RIPOR2: variants seen among roughly 807,000 people sequenced by gnomAD.
RIPOR2 encodes the protein RHO family interacting cell polarization regulator 2.
A neutral mutation model predicts 114.5 loss-of-function variants in RIPOR2; 39 were observed. The observed-to-expected ratio is 0.34, with a 90% CI of 0.26 to 0.44. The LOEUF (loss-of-function observed/expected upper bound fraction) is 0.44. Among genes scored for constraint, RIPOR2 ranks in the 20% least tolerant of loss-of-function variants. RIPOR2 has a pLI of 1.00. For missense variants in RIPOR2, 1,007 were observed against 1,255.1 expected (o/e 0.80, Z 2.99); for synonymous variants, 445 against 484.4 (o/e 0.92, Z 1.07).
At chr6:24,875,539 T>G (rs1019414794) in intron 2 of RIPOR2, among the ~76,000 whole-genome samples, 152 bp downstream of exon 2, 5 of 152,202 alleles carry the variant, frequency 3.3e-5, no homozygotes, top group African/African-American at 4.8e-5. Flanking sequence ...TAGCACTTAA[T>G]TTTTAGTACA....
chr6:24,879,696 A>G (rs1043073827), intron 1 of RIPOR2, among the ~76,000 whole-genome samples: 1 of 152,168 alleles, frequency 6.6e-6, no homozygotes, highest in Non-Finnish European at 1.5e-5. Context: ...CCCAAGTCTG[A>G]TGGAGGGGTG....
At chr6:24,895,833 T>C (rs188389855) in intron 1 of RIPOR2, among the ~76,000 whole-genome samples, 25 of 151,844 alleles carry the variant, frequency 1.6e-4, no homozygotes, top group African/African-American at 6.0e-4. Flanking sequence ...TACTAAAAAA[T>C]ACAAAACATT....
chr6:24,924,664 G>T (rs1054008924), intron 1 of RIPOR2, among the ~76,000 whole-genome samples: 1 of 152,022 alleles, frequency 6.6e-6, no homozygotes, highest in East Asian at 1.9e-4. Context: ...ATAATCATAA[G>T]AAGGGATAAG....
intron 1 of RIPOR2, chr6:24,976,312 A>T: frequency 1.3e-6 from 1 of 760,684 alleles, no homozygotes; most frequent in Non-Finnish European, 2.2e-6. Flanking sequence ...GCAACCACTT[A>T]AATTGTGTTT....
intron 1 of RIPOR2, among the ~76,000 whole-genome samples, chr6:24,899,736 A>G (rs757402687): frequency 2.6e-5 from 4 of 152,198 alleles, no homozygotes; most frequent in Non-Finnish European, 2.9e-5. Flanking sequence ...ACAAAAGAAA[A>G]GGAATGATTC....
intron 6 of RIPOR2, among the ~76,000 whole-genome samples, chr6:24,867,680 G>A (rs1248216617): frequency 6.6e-6 from 1 of 152,100 alleles, no homozygotes; most frequent in Non-Finnish European, 1.5e-5. Context: ...CTTTGTTTTT[G>A]CTTAAATATC....
At chr6:24,884,236 C>T (rs1263833562) in intron 1 of RIPOR2, among the ~76,000 whole-genome samples, 1 of 151,742 alleles carries the variant, frequency 6.6e-6, no homozygotes, top group South Asian at 2.1e-4. Context: ...GTGAAACCCC[C>T]GCCTCTACTA....
At chr6:24,907,871 G>A (rs189121865) in intron 1 of RIPOR2, among the ~76,000 whole-genome samples, 9 of 152,250 alleles carry the variant, frequency 5.9e-5, no homozygotes, top group African/African-American at 2.2e-4. Context: ...TCACATTGCA[G>A]GGTGTTTACA....
chr6:24,927,599 G>A (rs546746532), intron 1 of RIPOR2, among the ~76,000 whole-genome samples: 4 of 145,044 alleles, frequency 2.8e-5, no homozygotes, highest in South Asian at 2.2e-4. Flanking sequence ...CTCTATAATC[G>A]CTACCACCAC....
intron 1 of RIPOR2, among the ~76,000 whole-genome samples, chr6:24,985,204 C>T (rs1774480210): frequency 6.6e-6 from 1 of 152,124 alleles, no homozygotes; most frequent in African/African-American, 2.4e-5. Context: ...CCATTATCAA[C>T]TAGGATAGAA....
chr6:24,924,475 T>C (rs1770720443), intron 1 of RIPOR2, among the ~76,000 whole-genome samples: 1 of 152,270 alleles, frequency 6.6e-6, no homozygotes, highest in African/African-American at 2.4e-5. Context: ...GATTTACTGT[T>C]GGGCTGAGAG....
At chr6:24,825,188 C>A in intron 19 of RIPOR2, 38 bp downstream of exon 19, 1 of 1,456,570 alleles carries the variant, frequency 6.9e-7, no homozygotes, top group Non-Finnish European at 9.3e-7. Flanking sequence ...GGAAATTAAA[C>A]CAGCTTCTGG....
intron 1 of RIPOR2, among the ~76,000 whole-genome samples, chr6:24,907,882 T>C (rs375302324): frequency 6.6e-6 from 1 of 152,242 alleles, no homozygotes; most frequent in Non-Finnish European, 1.5e-5. Flanking sequence ...GGTGTTTACA[T>C]GACAACTGCT....
chr6:24,940,239 G>A (rs754029340), upstream of RIPOR2, among the ~76,000 whole-genome samples: 12 of 152,080 alleles, frequency 7.9e-5, no homozygotes, highest in Non-Finnish European at 1.6e-4. Context: ...CACCTGTGAA[G>A]CGTGTACAGG....
intron 1 of RIPOR2, among the ~76,000 whole-genome samples, chr6:25,005,738 T>TATACACATACATAC (rs1554130560): frequency 1.6e-4 from 11 of 70,700 alleles, no homozygotes; most frequent in African/African-American, 4.5e-4. Flanking sequence ...TATATATATA[T>TATACACATACATAC]ATACATTTAC....
At chr6:24,850,455 G>T in intron 10 of RIPOR2, 142 bp downstream of exon 10, 1 of 819,248 alleles carries the variant, frequency 1.2e-6, no homozygotes, top group Admixed American at 2.3e-5. Context: ...TCTGATGAGA[G>T]GGCAGCTGTC....
At chr6:24,828,344 AT>A in intron 17 of RIPOR2, 49 bp from the exon 18 acceptor site, 2 of 1,245,496 alleles carry the variant, frequency 1.6e-6, no homozygotes, top group Admixed American at 3.4e-5. Context: ...ATGACCATTC[AT>A]TCATTCATTC....
At chr6:24,977,392 A>G (rs548007994) in intron 1 of RIPOR2, among the ~76,000 whole-genome samples, 1 of 145,874 alleles carries the variant, frequency 6.9e-6, no homozygotes, top group East Asian at 2.7e-4. Flanking sequence ...TTTTTTTGGT[A>G]TGCCTTTTAA....
chr6:24,820,225 G>A (rs1050629285), intron 19 of RIPOR2, among the ~76,000 whole-genome samples: 2 of 151,612 alleles, frequency 1.3e-5, no homozygotes, highest in South Asian at 2.1e-4. Context: ...TAGAGACAGG[G>A]TTTCACCACG....
Sources: gnomAD v4.1 joint callset for allele counts (sites outside exome capture counted in the v4.1 genomes callset) on GRCh38, gnomAD v4.1.1 for gene constraint, MANE v1.5 for transcripts, NCBI Gene and HGNC (gene_info 2026-07-23, HGNC 2026-07-21) for gene names.